ZNF804A: variants seen among roughly 807,000 people sequenced by gnomAD.
The protein encoded by ZNF804A is zinc finger protein 804A.
ZNF804A carries 2 observed loss-of-function variants against 16.5 expected under a neutral mutation model. The observed-to-expected ratio is 0.12, with a 90% confidence interval of 0.05 to 0.38. The LOEUF (loss-of-function observed/expected upper bound fraction) is 0.38. Ranked by LOEUF, ZNF804A falls within the 10% of genes least tolerant of loss-of-function variation. ZNF804A has a pLI of 0.99. For synonymous variants in ZNF804A, 534 were observed against 489.6 expected, an observed-to-expected ratio of 1.09 and a Z score of -1.20; for missense variants, 1,473 against 1,390.7, an observed-to-expected ratio of 1.06 and a Z score of -0.94.
At chr2:184,697,776 T>C (rs1692856222) in intron 1 of ZNF804A, among the ~76,000 whole-genome samples, 1 of 152,100 alleles carries the variant, frequency 6.6e-6, no homozygotes, top group Non-Finnish European at 1.5e-5. Flanking sequence ...TTAGTTTCCA[T>C]TTGATTTTTA....
intron 1 of ZNF804A, among the ~76,000 whole-genome samples, chr2:184,855,269 G>T (rs1434044493): frequency 6.6e-6 from 1 of 151,990 alleles, no homozygotes; most frequent in African/African-American, 2.4e-5. Context: ...AGTGTTTTCG[G>T]GGAGTGAATA....
chr2:184,886,700 C>T (rs533503274), intron 2 of ZNF804A, among the ~76,000 whole-genome samples: 11 of 152,364 alleles, frequency 7.2e-5, no homozygotes, highest in South Asian at 6.2e-4. Flanking sequence ...CCAAGGCTTG[C>T]GCTTGCACCC....
chr2:184,759,883 A>T lies in ZNF804A; in HGVS notation c.112-106486A>T, dbSNP rs185368581. Among the ~76,000 whole-genome samples the T allele has an allele frequency of 4.0e-3, 602 of 152,154 alleles. 12 individuals carry two copies. The highest frequency in any genetic ancestry group is 0.013 in the African/African-American group (547 of 41,518). ...ATTTTCCTTTACCTACCCAAATCCT[A>T]TAAAACAGCCCCACCTCTATCTCCC... On this transcript the variant is annotated intron_variant, in intron 1 of 3. Coordinates refer to ENST00000302277, the MANE Select transcript of ZNF804A (RefSeq NM_194250.2).
chr2:184,851,884 G>A (rs1574241264), intron 1 of ZNF804A, among the ~76,000 whole-genome samples: 2 of 151,718 alleles, frequency 1.3e-5, no homozygotes, highest in African/African-American at 4.8e-5. Context: ...ATCCTAACAG[G>A]TTTGAGGTGG....
intron 1 of ZNF804A, among the ~76,000 whole-genome samples, chr2:184,743,358 G>T (rs960378454): frequency 6.6e-6 from 1 of 152,006 alleles, no homozygotes; most frequent in African/African-American, 2.4e-5. Context: ...AATAGCAATG[G>T]TATTCTTGAC....
chr2:184,693,132 A>C (rs1338339869), intron 1 of ZNF804A, among the ~76,000 whole-genome samples: 1 of 152,170 alleles, frequency 6.6e-6, no homozygotes, highest in East Asian at 1.9e-4. Context: ...TTATTTCTGC[A>C]CATCTGCCAA....
intron 1 of ZNF804A, among the ~76,000 whole-genome samples, chr2:184,846,083 T>C (rs1695510526): frequency 6.6e-6 from 1 of 152,146 alleles, no homozygotes; most frequent in Admixed American, 6.6e-5. Flanking sequence ...GACAGATGTG[T>C]GGACTCTCAA....
At chr2:184,714,623 C>T (rs1693185326) in intron 1 of ZNF804A, among the ~76,000 whole-genome samples, 2 of 151,940 alleles carry the variant, frequency 1.3e-5, no homozygotes, top group Admixed American at 1.3e-4. Context: ...GGCTTGGTTG[C>T]TGTAGTGTTG....
chr2:184,924,114 T>C (rs934096505), intron 2 of ZNF804A, among the ~76,000 whole-genome samples: 5 of 151,788 alleles, frequency 3.3e-5, no homozygotes, highest in African/African-American at 1.2e-4. Context: ...TATTCCCTTC[T>C]TATTTATTTT....
chr2:184,717,860 CA>C (rs1559133965), intron 1 of ZNF804A, among the ~76,000 whole-genome samples: 1 of 152,052 alleles, frequency 6.6e-6, no homozygotes, highest in Non-Finnish European at 1.5e-5. Flanking sequence ...TTGAAATATA[CA>C]TCATATCAAA....
chr2:184,884,474 C>T (rs1274740629), intron 2 of ZNF804A, among the ~76,000 whole-genome samples: 1 of 151,706 alleles, frequency 6.6e-6, no homozygotes, highest in Non-Finnish European at 1.5e-5. Context: ...TGGAGCCAAA[C>T]AAGAGCCCAA....
At chr2:184,775,682 A>G (rs749928156) in intron 1 of ZNF804A, among the ~76,000 whole-genome samples, 3 of 151,780 alleles carry the variant, frequency 2.0e-5, no homozygotes, top group Non-Finnish European at 4.4e-5. Flanking sequence ...AATTTCCCAT[A>G]TTTTAATTAT....
intron 1 of ZNF804A, among the ~76,000 whole-genome samples, chr2:184,786,727 C>A (rs923119594): frequency 4.0e-5 from 6 of 151,892 alleles, no homozygotes; most frequent in African/African-American, 1.2e-4. Flanking sequence ...AAATAAATAA[C>A]GTTGATTACT....
intron 1 of ZNF804A, among the ~76,000 whole-genome samples, chr2:184,781,208 G>T (rs1300561946): frequency 6.6e-6 from 1 of 151,700 alleles, no homozygotes; most frequent in Non-Finnish European, 1.5e-5. Context: ...GCATATGATT[G>T]TGCACAAATT....
intron 1 of ZNF804A, among the ~76,000 whole-genome samples, chr2:184,695,234 G>A (rs1403138273): frequency 2.0e-5 from 3 of 152,164 alleles, no homozygotes; most frequent in Non-Finnish European, 4.4e-5. Flanking sequence ...GGCCGAGGCA[G>A]GTGGATCACA....
chr2:184,716,925 T>C (rs1250467853), intron 1 of ZNF804A, among the ~76,000 whole-genome samples: 1 of 152,174 alleles, frequency 6.6e-6, no homozygotes, highest in African/African-American at 2.4e-5. Context: ...TACATGTTAA[T>C]AAACTTTATA....
At chr2:184,832,577 A>G (rs2105796319) in intron 1 of ZNF804A, among the ~76,000 whole-genome samples, 1 of 152,034 alleles carries the variant, frequency 6.6e-6, no homozygotes, top group African/African-American at 2.4e-5. Context: ...AGATGAGTTA[A>G]TCATACTCCC....
At chr2:184,761,373 A>G (rs756392625) in intron 1 of ZNF804A, among the ~76,000 whole-genome samples, 1 of 152,088 alleles carries the variant, frequency 6.6e-6, no homozygotes, top group Admixed American at 6.6e-5. Context: ...AAATTTGTAA[A>G]TCAAATTGTG....
At chr2:184,812,529 C>G (rs559734629) in intron 1 of ZNF804A, among the ~76,000 whole-genome samples, 3 of 151,946 alleles carry the variant, frequency 2.0e-5, no homozygotes, top group African/African-American at 4.8e-5. Flanking sequence ...AGAGGAAAAG[C>G]GAGAAGGAGT....
Sources: allele counts gnomAD v4.1 joint callset (sites outside exome capture counted in the v4.1 genomes callset), GRCh38; gene constraint gnomAD v4.1.1; transcripts MANE v1.5; gene names NCBI Gene and HGNC (gene_info 2026-07-23, HGNC 2026-07-21).